Variants in QSOX1 observed in about 807,000 individuals in gnomAD.
QSOX1 encodes quiescin sulfhydryl oxidase 1, also known as sulfhydryl oxidase 1.
Under a neutral mutation model 76.1 loss-of-function variants are expected in QSOX1, and 40 were observed. That is an observed-to-expected ratio of 0.53 (90% CI 0.41 to 0.68). The LOEUF is 0.68. Among genes scored for constraint, QSOX1 ranks in the 30% least tolerant of loss-of-function variants. The pLI is 0.00. For synonymous variants in QSOX1, 392 were observed against 413.1 expected, an observed-to-expected ratio of 0.95 and a Z score of 0.62; for missense variants, 931 against 974.3, an observed-to-expected ratio of 0.96 and a Z score of 0.59.
rs1663583247 is a variant in QSOX1 at position 180,199,344 on chromosome 1, GGC to G, written c.*2308_*2309del. 1 of 152,146 alleles carries G rather than the reference GGC, an allele frequency of 6.6e-6. No homozygotes were observed. Among genetic ancestry groups the G allele is most frequent in the Non-Finnish European group, 1.5e-5 (1 of 68,028 alleles). 9.4% of individuals were successfully genotyped at this position (152,146 alleles called of 1,614,324 possible). On this transcript the variant is annotated 3_prime_UTR_variant, in exon 12 of 12. Coordinates refer to ENST00000367602, the MANE Select transcript of QSOX1 (RefSeq NM_002826.5). ...AGATGGCTTCTCTAGAGGCTCTCCT[GGC>G]AAGAGAGGGTCCCAAGGGGAGCCCT...
intron 2 of QSOX1, among the ~76,000 whole-genome samples, chr1:180,171,826 G>C (rs75186936): frequency 3.0e-3 from 460 of 152,314 alleles, no homozygotes; most frequent in African/African-American, 0.01. Flanking sequence ...CCAACCAGGG[G>C]AGGGTGGCAA....
chr1:180,183,737 T>G (rs567109499), intron 6 of QSOX1, among the ~76,000 whole-genome samples, 179 bp from the exon 7 acceptor site: 12 of 152,298 alleles, frequency 7.9e-5, no homozygotes, highest in African/African-American at 2.9e-4. Flanking sequence ...ATTAGAAGGG[T>G]TACAGCGAGG....
At chr1:180,182,127 C>G (rs956388709) in intron 5 of QSOX1, 47 bp from the exon 6 acceptor site, 1 of 1,606,482 alleles carries the variant, frequency 6.2e-7, no homozygotes, top group Admixed American at 1.7e-5. Flanking sequence ...AGCCCTGGCT[C>G]CCTCCACCCG....
In QSOX1 at chr1:180,196,318, T is replaced by C; in HGVS notation, c.1525T>C (p.Cys509Arg). 6.2e-7 allele frequency: 1 copy of C among 1,614,074 alleles called. No individual in the cohort carries two copies. The highest frequency in any genetic ancestry group is 2.2e-5 in the East Asian group (1 of 44,876). ...GGTGCAGTGGCCACCCCGTGAACTT[T>C]GTTCTGCCTGCCACAATGAACGCCT... ...PKVQWPPRELCSACHNERLDV... is the reference protein window; with the variant it reads ...PKVQWPPRELRSACHNERLDV... The change falls in exon 12 of 12, where the codon TGT (cysteine) becomes CGT (arginine). Residue 509 changes from cysteine (C) to arginine (R), a missense_variant. Physicochemically the swap from Cys to Arg is radical, Grantham distance 180. Transcript: ENST00000367602. The surrounding 1 kb of genome is among the most constrained non-coding windows in gnomAD (Gnocchi z 4.1).
At chr1:180,159,213 T>A (rs1428184942) in intron 1 of QSOX1, among the ~76,000 whole-genome samples, 1 of 152,228 alleles carries the variant, frequency 6.6e-6, no homozygotes, top group African/African-American at 2.4e-5. Flanking sequence ...GTAGAAAAAT[T>A]ACGCTGTTCA....
At chr1:180,168,919 C>T (rs1662699989) in intron 2 of QSOX1, among the ~76,000 whole-genome samples, 1 of 152,194 alleles carries the variant, frequency 6.6e-6, no homozygotes, top group Non-Finnish European at 1.5e-5. Flanking sequence ...CCATGAAGAG[C>T]TGAAAAGCGA....
In QSOX1 at chr1:180,197,090, C is replaced by A; in HGVS notation, c.*53C>A. The A allele has an allele frequency of 6.5e-7, 1 of 1,533,316 alleles. No homozygotes were observed. Among genetic ancestry groups the A allele is most frequent in the Non-Finnish European group, 8.8e-7 (1 of 1,140,082 alleles). 95.0% of individuals were successfully genotyped at this position (1,533,316 alleles called of 1,614,324 possible). A position where few individuals can be genotyped will look rare whatever the true frequency, so the allele number is the denominator to read the frequency against. On this transcript the variant is annotated 3_prime_UTR_variant, in exon 12 of 12. Transcript: ENST00000367602. ...AGCTGCCATCTCTAGGCACCTCAAG[C>A]CCCCTGACCCCATTCCCTCCCCTCC...
intron 1 of QSOX1, 31 bp downstream of exon 1, chr1:180,155,203 G>A: frequency 6.9e-7 from 1 of 1,449,936 alleles, no homozygotes; most frequent in Non-Finnish European, 9.1e-7. Context: ...GCTCCCCCGT[G>A]CCCCGCCGCC....
rs144436015 is a variant in QSOX1, at chr1:180,172,815, G to A, written c.367-2506G>A. On this transcript the variant is annotated intron_variant, in intron 2 of 11. Transcript: ENST00000367602. The stretch of plus-strand genomic sequence containing the variant: ...ATTACCGGCATGAGCCACTGCACCC[G>A]TCCTGGAGAGGCTGCCTTTTGGTAG... Among the ~76,000 whole-genome samples the A allele has an allele frequency of 9.5e-3, 1,453 of 152,282 alleles. 21 individuals are homozygous for A. Among genetic ancestry groups the A allele is most frequent in the African/African-American group, 0.031 (1,307 of 41,560 alleles).
chr1:180,189,373 A>G (rs1429997712), intron 8 of QSOX1, among the ~76,000 whole-genome samples, 179 bp from the exon 9 acceptor site: 1 of 152,200 alleles, frequency 6.6e-6, no homozygotes, highest in South Asian at 2.1e-4. Flanking sequence ...TACAGAAGTC[A>G]TATTTGTGTC....
chr1:180,175,286 C>G, intron 2 of QSOX1, 35 bp from the exon 3 acceptor site: 1 of 1,610,652 alleles, frequency 6.2e-7, no homozygotes, highest in Non-Finnish European at 8.5e-7. Flanking sequence ...TGGCCACTAT[C>G]TATTACTGAT....
rs1407238705 is a variant in QSOX1 at position 180,203,325 on chromosome 1, G to A, written c.*6288G>A. ...TCTAGAAAAATACACACTGAACTGTGAATAGCAGTTATATTTAGAAAGCAA... is the reference window on the plus strand; with the variant it reads ...TCTAGAAAAATACACACTGAACTGTAAATAGCAGTTATATTTAGAAAGCAA... On this transcript the variant is annotated 3_prime_UTR_variant, in exon 12 of 12. Coordinates refer to ENST00000367602, the MANE Select transcript of QSOX1 (RefSeq NM_002826.5). The A allele has an allele frequency of 6.6e-6, 1 of 152,142 alleles. No homozygotes were observed. Among genetic ancestry groups the A allele is most frequent in the Non-Finnish European group, 1.5e-5 (1 of 68,034 alleles). 9.4% of individuals were successfully genotyped at this position (152,142 alleles called of 1,614,324 possible). A position where few individuals can be genotyped will look rare whatever the true frequency, so the allele number is the denominator to read the frequency against.
chr1:180,174,990 A>C (rs1662848877), intron 2 of QSOX1, among the ~76,000 whole-genome samples: 1 of 151,496 alleles, frequency 6.6e-6, no homozygotes, highest in Non-Finnish European at 1.5e-5. Context: ...TCTCTACTAA[A>C]AATACACACA....
chr1:180,189,843 C>T (rs184414375), intron 9 of QSOX1, among the ~76,000 whole-genome samples, 169 bp downstream of exon 9: 5 of 152,276 alleles, frequency 3.3e-5, no homozygotes, highest in South Asian at 2.1e-4. Context: ...GCTCTCTATG[C>T]GCACATCTCA....
At chr1:180,185,988 C>T in intron 7 of QSOX1, 65 bp from the exon 8 acceptor site, 1 of 1,575,326 alleles carries the variant, frequency 6.3e-7, no homozygotes, top group South Asian at 1.1e-5. Context: ...GCCCTGGATG[C>T]TCCTTGCAGC....
chr1:180,195,096 A>G (rs1256187662), intron 11 of QSOX1, among the ~76,000 whole-genome samples: 1 of 151,920 alleles, frequency 6.6e-6, no homozygotes, highest in Non-Finnish European at 1.5e-5. Flanking sequence ...GGGGCCTCCT[A>G]TCGAACTTTG....
chr1:180,197,529 A>T lies in QSOX1; in HGVS notation c.*492A>T. On this transcript the variant is annotated 3_prime_UTR_variant, in exon 12 of 12. Transcript: ENST00000367602. Reference sequence around the variant, plus strand: ...AAGAAGCCTTTGCACCCTGGGAGGAAGGACCACCCCGGGCCCTCTATGCCT... The same window carrying T: ...AAGAAGCCTTTGCACCCTGGGAGGATGGACCACCCCGGGCCCTCTATGCCT... 1 of 882,878 alleles carries T rather than the reference A, an allele frequency of 1.1e-6. No individual in the cohort carries two copies. Among genetic ancestry groups the T allele is most frequent in the Non-Finnish European group, 1.7e-6 (1 of 576,458 alleles). 54.7% of individuals were successfully genotyped at this position (882,878 alleles called of 1,614,324 possible). A position where few individuals can be genotyped will look rare whatever the true frequency, so the allele number is the denominator to read the frequency against.
chr1:180,163,858 G>C (rs777690996), intron 1 of QSOX1, among the ~76,000 whole-genome samples: 2 of 152,174 alleles, frequency 1.3e-5, no homozygotes, highest in Non-Finnish European at 1.5e-5. Flanking sequence ...AGGGCAGTGA[G>C]GGGTGGAGCA....
chr1:180,197,156 C>G lies in QSOX1; in HGVS notation c.*119C>G. ...GTCTGGCCTAGAAGTGTGGGAAATT[C>G]AGGAAAACGAGTTGCTCCAGTGAAG... On this transcript the variant is annotated 3_prime_UTR_variant, in exon 12 of 12. Coordinates refer to ENST00000367602, the MANE Select transcript of QSOX1 (RefSeq NM_002826.5). 1 of 1,406,218 alleles carries G rather than the reference C, an allele frequency of 7.1e-7. No individual in the cohort carries two copies. Among genetic ancestry groups the G allele is most frequent in the Non-Finnish European group, 9.4e-7 (1 of 1,067,214 alleles). 87.1% of individuals were successfully genotyped at this position (1,406,218 alleles called of 1,614,324 possible). A position where few individuals can be genotyped will look rare whatever the true frequency, so the allele number is the denominator to read the frequency against.
Sources: allele counts gnomAD v4.1 joint callset (sites outside exome capture counted in the v4.1 genomes callset), GRCh38; gene constraint gnomAD v4.1.1; non-coding constraint Gnocchi (gnomAD v3.1); transcripts MANE v1.5; gene names NCBI Gene and HGNC (gene_info 2026-07-23, HGNC 2026-07-21).